Variants in FRMD4A observed in about 807,000 individuals in gnomAD.
FRMD4A encodes the protein FERM domain containing 4A.
A neutral mutation model predicts 129.1 loss-of-function variants in FRMD4A; 29 were observed. That is an observed-to-expected ratio of 0.22 (90% CI 0.17 to 0.31). The LOEUF is 0.31. FRMD4A is among the 10% of genes least tolerant of loss of function. The pLI is 1.00. For missense variants in FRMD4A, 1,272 were observed against 1,375.8 expected (o/e 0.92, Z 1.19); for synonymous variants, 634 against 571.6 (o/e 1.11, Z -1.56).
intron 3 of FRMD4A, among the ~76,000 whole-genome samples, chr10:13,850,039 G>A (rs183365734): frequency 0.013 from 1,984 of 152,004 alleles, 17 homozygotes; most frequent in Middle Eastern, 0.017. Context: ...GGTGGTGGCA[G>A]GTGCCTGTAA....
intron 2 of FRMD4A, among the ~76,000 whole-genome samples, chr10:13,969,848 T>C (rs929461214): frequency 5.3e-5 from 8 of 151,764 alleles, no homozygotes; most frequent in African/African-American, 1.9e-4. Flanking sequence ...ACCTGTTCCC[T>C]CCCCCACCAA....
chr10:13,758,410 A>T (rs777909191), intron 8 of FRMD4A, among the ~76,000 whole-genome samples: 1 of 152,218 alleles, frequency 6.6e-6, no homozygotes, highest in Non-Finnish European at 1.5e-5. Flanking sequence ...GGTTCAGGAA[A>T]ACATATCTAC....
intron 2 of FRMD4A, among the ~76,000 whole-genome samples, chr10:13,984,234 C>T (rs954211100): frequency 6.6e-6 from 1 of 152,098 alleles, no homozygotes; most frequent in South Asian, 2.1e-4. Context: ...TGAAGTCGAA[C>T]GTGTGTCCAG....
chr10:14,227,301 G>C (rs1035236893), intron 2 of FRMD4A, among the ~76,000 whole-genome samples: 3 of 129,904 alleles, frequency 2.3e-5, no homozygotes, highest in African/African-American at 8.5e-5. Context: ...ACCCAGGCTG[G>C]AGTGCAGTGG....
At chr10:13,707,166 A>G (rs2087543914) in intron 12 of FRMD4A, 53 bp from the exon 13 acceptor site, 3 of 1,036,100 alleles carry the variant, frequency 2.9e-6, no homozygotes, top group Admixed American at 3.4e-5. Context: ...CTCCTGGGCC[A>G]TCTTCCCCTC....
chr10:13,701,223 G>A, intron 14 of FRMD4A, 117 bp downstream of exon 14: 1 of 880,714 alleles, frequency 1.1e-6, no homozygotes, highest in Non-Finnish European at 1.8e-6. Context: ...GCCTGTATCT[G>A]TGCAAGGTAT....
intron 2 of FRMD4A, among the ~76,000 whole-genome samples, chr10:14,230,930 C>G (rs978961731): frequency 6.6e-6 from 1 of 152,198 alleles, no homozygotes; most frequent in Non-Finnish European, 1.5e-5. Flanking sequence ...TAATGGCCTC[C>G]AGCTGCATCC....
chr10:14,000,059 A>T (rs2095636192), intron 2 of FRMD4A, among the ~76,000 whole-genome samples: 1 of 152,210 alleles, frequency 6.6e-6, no homozygotes. Flanking sequence ...AGTCCTTTGA[A>T]GTATTAGTTA....
chr10:13,808,866 C>G (rs149597350), intron 4 of FRMD4A, among the ~76,000 whole-genome samples: 29 of 152,330 alleles, frequency 1.9e-4, no homozygotes, highest in African/African-American at 7.0e-4. Flanking sequence ...CTGGATCATG[C>G]CAGAAGGATG....
chr10:14,129,937 C>T (rs534995300), intron 2 of FRMD4A, among the ~76,000 whole-genome samples: 2 of 152,278 alleles, frequency 1.3e-5, no homozygotes, highest in African/African-American at 4.8e-5. Context: ...GCGAGATGTT[C>T]CATTCCCTCT....
intron 2 of FRMD4A, among the ~76,000 whole-genome samples, chr10:14,244,945 C>T: frequency 6.6e-6 from 1 of 152,344 alleles, no homozygotes; most frequent in South Asian, 2.1e-4. Context: ...GATTTCTCTG[C>T]CTCACTTTAC....
At chr10:13,762,359 G>C (rs17153954) in intron 7 of FRMD4A, among the ~76,000 whole-genome samples, 4,007 of 152,248 alleles carry the variant, frequency 0.026, 74 homozygotes, top group Middle Eastern at 0.065. Flanking sequence ...GTCAGTAAAT[G>C]ATCTCAGTTT....
chr10:14,130,646 A>C (rs1383320923), intron 2 of FRMD4A, among the ~76,000 whole-genome samples: 1 of 152,222 alleles, frequency 6.6e-6, no homozygotes, highest in Admixed American at 6.5e-5. Flanking sequence ...GCAGACTGAC[A>C]CATGGCTGGT....
chr10:14,166,002 C>A (rs1485032207), intron 2 of FRMD4A, among the ~76,000 whole-genome samples: 1 of 151,854 alleles, frequency 6.6e-6, no homozygotes, highest in Non-Finnish European at 1.5e-5. Flanking sequence ...CCCCCTGAAT[C>A]TGAAGTTAGA....
At chr10:13,825,825 A>G (rs2130920897) in intron 3 of FRMD4A, among the ~76,000 whole-genome samples, 1 of 152,362 alleles carries the variant, frequency 6.6e-6, no homozygotes, top group South Asian at 2.1e-4. Context: ...AAACGTGGAA[A>G]GTAACACCGC....
intron 24 of FRMD4A, chr10:13,648,666 C>T (rs182260231): frequency 6.6e-6 from 1 of 152,176 alleles, no homozygotes; most frequent in Non-Finnish European, 1.5e-5. Flanking sequence ...TGGAAGGAGA[C>T]CCAGCCAGCC....
intron 6 of FRMD4A, among the ~76,000 whole-genome samples, chr10:13,767,084 G>A (rs1487323309): frequency 6.6e-6 from 1 of 151,982 alleles, no homozygotes; most frequent in Non-Finnish European, 1.5e-5. Context: ...AAGACAAAAC[G>A]AAACGAAACA....
At chr10:13,964,210 AG>A (rs1462395431) in intron 2 of FRMD4A, among the ~76,000 whole-genome samples, 2 of 152,066 alleles carry the variant, frequency 1.3e-5, no homozygotes, top group Admixed American at 1.3e-4. Flanking sequence ...AATAGACCAA[AG>A]AAAACCAAAA....
intron 2 of FRMD4A, among the ~76,000 whole-genome samples, chr10:14,022,633 C>A (rs1027438587): frequency 1.3e-5 from 2 of 151,968 alleles, no homozygotes; most frequent in African/African-American, 4.8e-5. Context: ...GGAGGTTGGG[C>A]TAGAGATGAT....
Sources: allele counts gnomAD v4.1 joint callset (sites outside exome capture counted in the v4.1 genomes callset), GRCh38; gene constraint gnomAD v4.1.1; transcripts MANE v1.5; gene names NCBI Gene and HGNC (gene_info 2026-07-23, HGNC 2026-07-21).